The following ZNF827 variants were observed in gnomAD, a reference collection of about 807,000 sequenced individuals.
ZNF827 encodes the protein zinc finger protein 827.
Under a neutral mutation model 102.4 loss-of-function variants are expected in ZNF827, and 13 were observed. The ratio of observed to expected loss-of-function variants is 0.13; its 90% CI spans 0.08 to 0.20. The LOEUF (loss-of-function observed/expected upper bound fraction) is 0.20. Ranked by LOEUF, ZNF827 falls within the 10% of genes least tolerant of loss-of-function variation. The pLI, the probability that ZNF827 is intolerant of heterozygous loss-of-function variation, is 1.00. For synonymous variants in ZNF827, 523 were observed against 536.2 expected (o/e 0.98, Z 0.34); for missense variants, 1,103 against 1,344.4 (o/e 0.82, Z 2.81).
At chr4:145,849,160 T>C (rs1450194062) in intron 6 of ZNF827, among the ~76,000 whole-genome samples, 162 bp downstream of exon 6, 1 of 152,210 alleles carries the variant, frequency 6.6e-6, no homozygotes, top group East Asian at 1.9e-4. Context: ...CAACACTTTA[T>C]TAACTGTTAG....
chr4:145,772,236 G>A (rs575086469), intron 11 of ZNF827, among the ~76,000 whole-genome samples: 1 of 152,328 alleles, frequency 6.6e-6, no homozygotes, highest in East Asian at 1.9e-4. Context: ...CACTTGTACT[G>A]TGTAGGGCCT....
intron 3 of ZNF827, among the ~76,000 whole-genome samples, chr4:145,889,915 T>C (rs1267129506): frequency 6.6e-6 from 1 of 150,800 alleles, no homozygotes; most frequent in African/African-American, 2.4e-5. Flanking sequence ...AGGCGGAGGC[T>C]GCAGTGAGCC....
At chr4:145,859,023 A>C (rs1200779683) in intron 5 of ZNF827, among the ~76,000 whole-genome samples, 1 of 152,206 alleles carries the variant, frequency 6.6e-6, no homozygotes, top group Non-Finnish European at 1.5e-5. Context: ...AATAATAATG[A>C]ATCTGTTGCA....
intron 6 of ZNF827, among the ~76,000 whole-genome samples, chr4:145,846,730 T>G (rs1453080882): frequency 3.0e-5 from 4 of 134,364 alleles, no homozygotes; most frequent in African/African-American, 1.2e-4. Context: ...GGCAGGAGAA[T>G]GGCGTGAACC....
intron 1 of ZNF827, among the ~76,000 whole-genome samples, chr4:145,909,759 T>C (rs1186129831): frequency 3.3e-5 from 5 of 152,196 alleles, no homozygotes; most frequent in African/African-American, 9.7e-5. Flanking sequence ...CACATCCGCA[T>C]TTAGGCCGGT....
chr4:145,877,746 C>CA (rs1749265155), intron 4 of ZNF827, among the ~76,000 whole-genome samples: 1 of 152,134 alleles, frequency 6.6e-6, no homozygotes, highest in African/African-American at 2.4e-5. Context: ...AGTTTTCCTG[C>CA]AAAAACTAAA....
intron 8 of ZNF827, among the ~76,000 whole-genome samples, chr4:145,780,778 A>C (rs1737854718): frequency 6.6e-6 from 1 of 152,250 alleles, no homozygotes; most frequent in East Asian, 1.9e-4. Flanking sequence ...ACACTAAGTT[A>C]ATATCTTGTC....
At chr4:145,818,953 C>G (rs1208650977) in intron 8 of ZNF827, among the ~76,000 whole-genome samples, 6 of 152,166 alleles carry the variant, frequency 3.9e-5, no homozygotes, top group African/African-American at 1.2e-4. Context: ...TCCAAACCAG[C>G]CTTTTGATTG....
At chr4:145,873,544 A>G (rs74814950) in intron 4 of ZNF827, among the ~76,000 whole-genome samples, 98 of 152,356 alleles carry the variant, frequency 6.4e-4, no homozygotes, top group Non-Finnish European at 1.2e-3. Context: ...CTTGAACTAG[A>G]GCATTACTAA....
At chr4:145,764,415 T>A (rs1033466885) in intron 13 of ZNF827, among the ~76,000 whole-genome samples, 4 of 152,192 alleles carry the variant, frequency 2.6e-5, no homozygotes, top group Admixed American at 6.5e-5. Flanking sequence ...AAGGGCCTCT[T>A]GAAAATACTG....
chr4:145,902,679 C>G lies in ZNF827; in HGVS notation c.580G>C (p.Gly194Arg), dbSNP rs778836240. Residue 194 changes from glycine (G) to arginine (R), a missense_variant, in exon 2 of 15, where the codon GGT becomes CGT. By Grantham distance (125) the Gly-to-Arg change is moderately radical. Transcript: ENST00000508784. This position sits in a 1 kb window ranked among gnomAD's most constrained non-coding sequence, Gnocchi z 4.3. ...GTGGTTGAGTTTGGCAACCACTTAC[C>G]TTGATTCCATATAAAACGGTTACTT... is the stretch of plus-strand genomic sequence containing the variant. ...TPSNRFIWNQ[G>R]KWLPNSTTTC... 1 of 1,613,970 alleles carries G rather than the reference C, an allele frequency of 6.2e-7. No individual in the cohort carries two copies. Among genetic ancestry groups the G allele is most frequent in the East Asian group, 2.2e-5 (1 of 44,888 alleles).
intron 8 of ZNF827, among the ~76,000 whole-genome samples, chr4:145,786,075 C>T (rs949547549): frequency 1.6e-4 from 25 of 152,164 alleles, no homozygotes; most frequent in Admixed American, 8.5e-4. Flanking sequence ...GAAGAAAGTT[C>T]CCTTGAACCT....
intron 5 of ZNF827, among the ~76,000 whole-genome samples, chr4:145,863,838 T>C (rs1040130539): frequency 1.3e-5 from 2 of 152,172 alleles, no homozygotes; most frequent in Non-Finnish European, 2.9e-5. Flanking sequence ...CTGTTGGATA[T>C]ACTAAATATC....
chr4:145,891,798 G>A (rs779039154), intron 3 of ZNF827, among the ~76,000 whole-genome samples: 6 of 152,144 alleles, frequency 3.9e-5, no homozygotes, highest in Non-Finnish European at 8.8e-5. Context: ...CAAGCTGGAG[G>A]GTAAGGCAGT....
At chr4:145,904,653 T>C (rs28715749) in intron 1 of ZNF827, among the ~76,000 whole-genome samples, 9,277 of 152,106 alleles carry the variant, frequency 0.061, 909 homozygotes, top group African/African-American at 0.21. Context: ...AGCAGTGCCA[T>C]AGGAGGTCAG....
At chr4:145,800,157 C>T (rs186597381) in intron 8 of ZNF827, among the ~76,000 whole-genome samples, 11 of 152,246 alleles carry the variant, frequency 7.2e-5, no homozygotes, top group Admixed American at 5.2e-4. Flanking sequence ...AGCAAGATTC[C>T]ATCATGTTTG....
At chr4:145,925,083 G>C (rs994136635) in intron 1 of ZNF827, among the ~76,000 whole-genome samples, 2 of 152,178 alleles carry the variant, frequency 1.3e-5, no homozygotes, top group African/African-American at 4.8e-5. Flanking sequence ...GCAGGCAAGA[G>C]AGTGTGTGCA....
At chr4:145,886,713 T>C (rs759979472) in intron 3 of ZNF827, among the ~76,000 whole-genome samples, 18 of 151,330 alleles carry the variant, frequency 1.2e-4, no homozygotes, top group Non-Finnish European at 2.1e-4. Flanking sequence ...AATAAATGGA[T>C]TGAGCGAAAT....
chr4:145,886,979 G>A (rs1028151634), intron 3 of ZNF827, among the ~76,000 whole-genome samples: 1 of 152,232 alleles, frequency 6.6e-6, no homozygotes, highest in Non-Finnish European at 1.5e-5. Flanking sequence ...GGAAATCATT[G>A]CATTGGCCTG....
Sources: gnomAD v4.1 joint callset for allele counts (sites outside exome capture counted in the v4.1 genomes callset) on GRCh38, gnomAD v4.1.1 for gene constraint, Gnocchi (gnomAD v3.1) non-coding constraint, MANE v1.5 for transcripts, NCBI Gene and HGNC (gene_info 2026-07-23, HGNC 2026-07-21) for gene names.